Variants in COL1A1 observed in about 807,000 individuals in gnomAD.
COL1A1 encodes collagen alpha-1(I) chain.
In COL1A1, 21 loss-of-function variants were observed where a neutral mutation model predicts 195.7. The ratio of observed to expected loss-of-function variants is 0.11; its 90% CI spans 0.08 to 0.15. The LOEUF is 0.15. COL1A1 is among the 10% of genes least tolerant of loss of function. The pLI is 1.00. For synonymous variants in COL1A1, 749 were observed against 747.3 expected, an observed-to-expected ratio of 1.00 and a Z score of -0.04; for missense variants, 1,365 against 2,051.0, an observed-to-expected ratio of 0.67 and a Z score of 6.46.
rs1030011866 is a variant in COL1A1 at position 50,188,431 on chromosome 17, C to G, written c.3207+99G>C. On this transcript the variant is annotated intron_variant, in intron 43 of 50. Transcript: ENST00000225964. The surrounding 1 kb of genome is among the most constrained non-coding windows in gnomAD (Gnocchi z 5.6). Reference sequence around the variant, plus strand: ...TCTTGCAGGATCTCCTTTCCTCCCCCTGCCTGGGTGAAGTCCGACACCCAT... The same window carrying G: ...TCTTGCAGGATCTCCTTTCCTCCCCGTGCCTGGGTGAAGTCCGACACCCAT... 25 of 1,224,204 alleles carry G rather than the reference C, an allele frequency of 2.0e-5. No homozygotes were observed. The highest frequency in any genetic ancestry group is 5.2e-5 in the Admixed American group (3 of 57,370). 75.8% of individuals were successfully genotyped at this position (1,224,204 alleles called of 1,614,324 possible). A position where few individuals can be genotyped will look rare whatever the true frequency, so the allele number is the denominator to read the frequency against.
chr17:50,199,728 C>T (rs1242974035), intron 2 of COL1A1, 25 bp downstream of exon 2: 5 of 848,802 alleles, frequency 5.9e-6, no homozygotes, highest in Non-Finnish European at 8.8e-6. Flanking sequence ...AGGCCCCAGG[C>T]CCCAGGCCCC....
chr17:50,187,735 G>T, intron 45 of COL1A1, 141 bp downstream of exon 45: 1 of 950,214 alleles, frequency 1.1e-6, no homozygotes, highest in Non-Finnish European at 1.6e-6. Flanking sequence ...GAAGCTACTT[G>T]GACATGCCCA....
Position 50,192,728 on chromosome 17 carries a change from C to T in COL1A1, c.1876-35G>A, listed in dbSNP as rs746764875. The T allele has an allele frequency of 6.8e-6, 11 of 1,613,844 alleles. No homozygotes were observed. In the East Asian group the frequency reaches 8.9e-5, roughly 13 times the overall value. Reference sequence around the variant, plus strand: ...GAGAACACTACAGTCACGGGGAGGCCGAGGAGACGAGGGGCTGAGGGTGTC... The same window carrying T: ...GAGAACACTACAGTCACGGGGAGGCTGAGGAGACGAGGGGCTGAGGGTGTC... On this transcript the variant is annotated intron_variant, in intron 27 of 50. Coordinates refer to ENST00000225964, the MANE Select transcript of COL1A1 (RefSeq NM_000088.4).
In COL1A1 at chr17:50,188,632, G is replaced by A; in HGVS notation, c.3105C>T (p.Asp1035=). The change falls in exon 43 of 51, where the codon GAC becomes GAT. Residue 1035 remains aspartate, a synonymous_variant. Coordinates refer to ENST00000225964, the MANE Select transcript of COL1A1 (RefSeq NM_000088.4). The surrounding 1 kb of genome is among the most constrained non-coding windows in gnomAD (Gnocchi z 5.6). ...GTCCAGCGGGGCCGGTCTCACCACG[G>A]TCACCCTGGCGGGGAGAGCAGGGGA... ...GRDGSPGAKG[D]RGETGPAGPP... 2 of 1,613,948 alleles carry A rather than the reference G, an allele frequency of 1.2e-6. No individual in the cohort carries two copies. Among genetic ancestry groups the A allele is most frequent in the Non-Finnish European group, 1.7e-6 (2 of 1,179,946 alleles).
intron 29 of COL1A1, 177 bp from the exon 30 acceptor site, chr17:50,192,201 C>T: frequency 1.3e-6 from 1 of 760,524 alleles, no homozygotes; most frequent in Non-Finnish European, 2.1e-6. Flanking sequence ...GTGTCAAAGG[C>T]TTCCCCCCTC....
rs1907509474 is a variant in COL1A1 at position 50,195,578 on chromosome 17, C to T, written c.1144G>A (p.Ala382Thr). ...EPGPPGPAGA[A>T]GPAGNPGADG... ...TCGGGGACACTTACAGCAGGGCCAGCAGCACCAGCAGGGCCAGGGGGGCCA... is the reference window on the plus strand; with the variant it reads ...TCGGGGACACTTACAGCAGGGCCAGTAGCACCAGCAGGGCCAGGGGGGCCA... Residue 382 changes from alanine (A) to threonine (T), a missense_variant, in exon 17 of 51, where the codon GCT (alanine) becomes ACT (threonine). Ala to Thr is a moderately conservative substitution (Grantham distance 58). Coordinates refer to ENST00000225964, the MANE Select transcript of COL1A1 (RefSeq NM_000088.4). The surrounding 1 kb of genome is among the most constrained non-coding windows in gnomAD (Gnocchi z 4.3). 1 of 1,613,824 alleles carries T rather than the reference C, an allele frequency of 6.2e-7. No individual in the cohort carries two copies. The highest frequency in any genetic ancestry group is 8.5e-7 in the Non-Finnish European group (1 of 1,179,954).
chr17:50,186,032 G>C lies in COL1A1; in HGVS notation c.4006-12C>G, dbSNP rs778644341. 1.9e-6 allele frequency: 3 copies of C among 1,611,776 alleles called. No individual in the cohort carries two copies. The highest frequency in any genetic ancestry group is 3.3e-5 in the Admixed American group (2 of 60,020). On this transcript the variant is annotated splice_polypyrimidine_tract_variant and intron_variant, in intron 49 of 50. Coordinates refer to ENST00000225964, the MANE Select transcript of COL1A1 (RefSeq NM_000088.4). This position sits in a 1 kb window ranked among gnomAD's most constrained non-coding sequence, Gnocchi z 5.3. ...CCGCCATACTCGAACTGCAGGGGAG[G>C]GGAGAGAGGGAAGAGTGAGCCGCTA...
intron 1 of COL1A1, among the ~76,000 whole-genome samples, chr17:50,200,563 C>T (rs1266504647): frequency 6.6e-6 from 1 of 152,248 alleles, no homozygotes; most frequent in African/African-American, 2.4e-5. Flanking sequence ...CCCCCAAAGC[C>T]AGCCAATGCC....
chr17:50,185,754 T>G (rs931516011), intron 50 of COL1A1, 24 bp downstream of exon 50: 1 of 1,612,682 alleles, frequency 6.2e-7, no homozygotes, highest in African/African-American at 1.3e-5. Context: ...GGTGGGGCCC[T>G]GCCTGGGGAT....
chr17:50,195,841 G>T lies in COL1A1; in HGVS notation c.1056+82C>A. 6.7e-7 allele frequency: 1 copy of T among 1,501,910 alleles called. No homozygotes were observed. Among genetic ancestry groups the T allele is most frequent in the African/African-American group, 1.4e-5 (1 of 72,144 alleles). 93.0% of individuals were successfully genotyped at this position (1,501,910 alleles called of 1,614,324 possible). A position where few individuals can be genotyped will look rare whatever the true frequency, so the allele number is the denominator to read the frequency against. On this transcript the variant is annotated intron_variant, in intron 16 of 50. Coordinates refer to ENST00000225964, the MANE Select transcript of COL1A1 (RefSeq NM_000088.4). This position sits in a 1 kb window ranked among gnomAD's most constrained non-coding sequence, Gnocchi z 4.3. ...AACGGGCTGCTCTCTTGCCACTCTG[G>T]GTCCCTTTGGTTTGGGGAACAGGGA...
Position 50,198,154 on chromosome 17 carries a change from T to A in COL1A1, c.588+7A>T, listed in dbSNP as rs946777766. The stretch of plus-strand genomic sequence containing the variant: ...AGGAGGCATATGAAGACGTCCTGGA[T>A]ACTCACAGGTGCACCAGGGGGGCCA... On this transcript the variant is annotated splice_region_variant and intron_variant, in intron 7 of 50. Transcript: ENST00000225964. The A allele has an allele frequency of 1.2e-6, 2 of 1,613,830 alleles. No homozygotes were observed. Among genetic ancestry groups the A allele is most frequent in the African/African-American group, 2.7e-5 (2 of 74,840 alleles).
Position 50,186,374 on chromosome 17 carries a change from C to G in COL1A1, c.3948G>C (p.Lys1316Asn). 1.2e-6 allele frequency: 2 copies of G among 1,614,242 alleles called. No individual in the cohort carries two copies. The highest frequency in any genetic ancestry group is 1.7e-6 in the Non-Finnish European group (2 of 1,180,050). The part of the protein sequence containing the change: ...SVAQKNWYIS[K>N]NPKDKRHVWF... ...AGACATGCCTCTTGTCCTTGGGGTT[C>G]TTGCTGATGTACCAGTTCTTCTGGG... Residue 1316 changes from lysine (K) to asparagine (N), a missense_variant, in exon 49 of 51, where the codon AAG becomes AAC. Transcript: ENST00000225964. The surrounding 1 kb of genome is among the most constrained non-coding windows in gnomAD (Gnocchi z 5.3).
rs1028377152 is a variant in COL1A1 at position 50,185,876 on chromosome 17, G to A, written c.4150C>T (p.Leu1384Phe). The A allele has an allele frequency of 3.7e-6, 6 of 1,614,062 alleles. No individual in the cohort carries two copies. In the African/African-American group the frequency reaches 6.7e-5, roughly 18 times the overall value. Reference sequence around the variant, plus strand: ...CCCTGGAGGAGCAGGGCCTTCTTGAGGTTGCCAGTCTGCTGGTCCATGTAG... The same window carrying A: ...CCCTGGAGGAGCAGGGCCTTCTTGAAGTTGCCAGTCTGCTGGTCCATGTAG... Reference protein sequence around the residue: ...VAYMDQQTGNLKKALLLQGSN... With the variant: ...VAYMDQQTGNFKKALLLQGSN... The change falls in exon 50 of 51, where the codon CTC (leucine) becomes TTC (phenylalanine). Residue 1384 changes from leucine (L) to phenylalanine (F), a missense_variant. Physicochemically the swap from Leu to Phe is conservative, Grantham distance 22. Transcript: ENST00000225964.
rs1292535294 is a variant in COL1A1, at chr17:50,195,031, T to C, written c.1353+16A>G. On this transcript the variant is annotated intron_variant, in intron 20 of 50. Transcript: ENST00000225964. The surrounding 1 kb of genome is among the most constrained non-coding windows in gnomAD (Gnocchi z 4.3). Reference sequence around the variant, plus strand: ...AGGGTGGGCTGGGCTGCAAGAAGGATGGCGGGGAGACTTACAGGCTCTCCC... The same window carrying C: ...AGGGTGGGCTGGGCTGCAAGAAGGACGGCGGGGAGACTTACAGGCTCTCCC... 6.2e-7 allele frequency: 1 copy of C among 1,613,018 alleles called. No homozygotes were observed. Among genetic ancestry groups the C allele is most frequent in the East Asian group, 2.2e-5 (1 of 44,858 alleles).
At position 50,190,579 on chromosome 17, in the gene COL1A1, G is replaced by C; in HGVS notation, c.2361C>G (p.Ser787Arg). Residue 787 changes from serine (S) to arginine (R), a missense_variant, in exon 34 of 51, where the codon AGC (serine) becomes AGG (arginine). By Grantham distance (110) the Ser-to-Arg change is moderately radical. Coordinates refer to ENST00000225964, the MANE Select transcript of COL1A1 (RefSeq NM_000088.4). This position sits in a 1 kb window ranked among gnomAD's most constrained non-coding sequence, Gnocchi z 4.7. The stretch of plus-strand genomic sequence containing the variant: ...GAGCTCCAGTGGGACCAGCAGGGCC[G>C]CTGGGACCACTTTCACCCTGAGAGC... The part of the protein sequence containing the change: ...APGDKGESGP[S>R]GPAGPTGARG... 6.2e-7 allele frequency: 1 copy of C among 1,612,508 alleles called. No individual in the cohort carries two copies. Among genetic ancestry groups the C allele is most frequent in the Non-Finnish European group, 8.5e-7 (1 of 1,179,188 alleles).
rs886042649 is a variant in COL1A1, at chr17:50,189,740, G to A, written c.2614-8C>T. On this transcript the variant is annotated splice_region_variant and splice_polypyrimidine_tract_variant and intron_variant, in intron 37 of 50. Transcript: ENST00000225964. The surrounding 1 kb of genome is among the most constrained non-coding windows in gnomAD (Gnocchi z 5.5). Reference sequence around the variant, plus strand: ...AGGGAAACCAGTAGCACCCTGGAAGGAGAGAACATAGGAACAGTCAGAGGG... The same window carrying A: ...AGGGAAACCAGTAGCACCCTGGAAGAAGAGAACATAGGAACAGTCAGAGGG... 1.3e-5 allele frequency: 21 copies of A among 1,613,924 alleles called. No individual in the cohort carries two copies. Among genetic ancestry groups the A allele is most frequent in the Non-Finnish European group, 1.6e-5 (19 of 1,179,990 alleles).
rs776786397 is a variant in COL1A1, at chr17:50,194,535, G to A, written c.1515+38C>T. 3.9e-5 allele frequency: 62 copies of A among 1,609,814 alleles called. No individual in the cohort carries two copies. Among genetic ancestry groups the A allele is most frequent in the Non-Finnish European group, 5.2e-5 (61 of 1,178,036 alleles). Reference sequence around the variant, plus strand: ...AAAAGAGGAAGAAGATGCCCAGGGAGCGGCAGGGTCAGCCCCCCGGCCGCA... The same window carrying A: ...AAAAGAGGAAGAAGATGCCCAGGGAACGGCAGGGTCAGCCCCCCGGCCGCA... On this transcript the variant is annotated intron_variant, in intron 22 of 50. Coordinates refer to ENST00000225964, the MANE Select transcript of COL1A1 (RefSeq NM_000088.4). This position sits in a 1 kb window ranked among gnomAD's most constrained non-coding sequence, Gnocchi z 6.8.
At chr17:50,191,954 G>T in intron 30 of COL1A1, 26 bp downstream of exon 30, 1 of 1,611,850 alleles carries the variant, frequency 6.2e-7, no homozygotes, top group South Asian at 1.1e-5. Flanking sequence ...GCACCTTGAC[G>T]GATGCAGCGA....
In COL1A1 at chr17:50,185,618, T is replaced by C; in HGVS notation, c.4279A>G (p.Ile1427Val). 1 of 1,613,952 alleles carries C rather than the reference T, an allele frequency of 6.2e-7. No individual in the cohort carries two copies. Among genetic ancestry groups the C allele is most frequent in the Non-Finnish European group, 8.5e-7 (1 of 1,179,998 alleles). ...SHTGAWGKTV[I>V]EYKTTKTSRL... The stretch of plus-strand genomic sequence containing the variant: ...GAGGTCTTGGTGGTTTTGTATTCAA[T>C]CACTGTCTTGCCCCAGGCTCCGGTG... The change falls in exon 51 of 51, where the codon ATT becomes GTT. Residue 1427 changes from isoleucine to valine, a missense_variant. By Grantham distance (29) the Ile-to-Val change is conservative. Around this residue, in one of 5 missense-constraint regions of COL1A1, gnomAD observed 273 missense variants for 338.6 expected, o/e 0.81. Coordinates refer to ENST00000225964, the MANE Select transcript of COL1A1 (RefSeq NM_000088.4).
Sources: allele counts gnomAD v4.1 joint callset (sites outside exome capture counted in the v4.1 genomes callset), GRCh38; gene constraint gnomAD v4.1.1; regional missense constraint gnomAD v4.1.1; non-coding constraint Gnocchi (gnomAD v3.1); transcripts MANE v1.5; gene names NCBI Gene and HGNC (gene_info 2026-07-23, HGNC 2026-07-21).